The following SMAD6 variants were observed in gnomAD, a reference collection of about 807,000 sequenced individuals.
SMAD6 encodes SMAD family member 6.
Under a neutral mutation model 39.4 loss-of-function variants are expected in SMAD6, and 103 were observed. The ratio of observed to expected loss-of-function variants is 2.62; its 90% CI spans 2.23 to 3.08. The LOEUF is 3.08. SMAD6 is among the 30% of genes most tolerant of loss of function. The probability of loss-of-function intolerance (pLI) is 0.00; values close to 1 mark genes in which losing one functional copy is unlikely to be tolerated. For missense variants in SMAD6, 1,104 were observed against 742.9 expected, an observed-to-expected ratio of 1.49 and a Z score of -5.65; for synonymous variants, 445 against 353.3, an observed-to-expected ratio of 1.26 and a Z score of -2.91.
chr15:66,764,030 C>T (rs1424235090), intron 3 of SMAD6, among the ~76,000 whole-genome samples: 1 of 152,254 alleles, frequency 6.6e-6, no homozygotes, highest in Non-Finnish European at 1.5e-5. Flanking sequence ...AGAACGCTGA[C>T]AGCTCAGGGG....
In SMAD6 at chr15:66,781,983, A is replaced by G. The variant is rs1488022703; in HGVS notation, c.*448A>G. On this transcript the variant is annotated 3_prime_UTR_variant, in exon 4 of 4. Coordinates refer to ENST00000288840, the MANE Select transcript of SMAD6 (RefSeq NM_005585.5). Reference sequence around the variant, plus strand: ...AGTCACTCGATAATAAAGTATTCGCATTATAGTTTTTTTTAAACTGTCTTC... The same window carrying G: ...AGTCACTCGATAATAAAGTATTCGCGTTATAGTTTTTTTTAAACTGTCTTC... 4.3e-5 allele frequency: 17 copies of G among 398,838 alleles called. No homozygotes were observed. The East Asian group carries it at 4.6e-4, about 11-fold the overall frequency. The allele number at this position is 398,838 out of a possible 1,614,324, so 24.7% of individuals were successfully genotyped here.
At chr15:66,716,225 C>T (rs138199461) in intron 2 of SMAD6, among the ~76,000 whole-genome samples, 196 bp from the exon 3 acceptor site, 1 of 152,262 alleles carries the variant, frequency 6.6e-6, no homozygotes, top group East Asian at 1.9e-4. Context: ...AGAAGAGTTC[C>T]TGGGCTGGCT....
intron 3 of SMAD6, among the ~76,000 whole-genome samples, chr15:66,772,119 A>G (rs16950231): frequency 0.038 from 5,749 of 152,278 alleles, 164 homozygotes; most frequent in South Asian, 0.073. Flanking sequence ...TTCTTATAGC[A>G]TGGTCTCTGT....
intron 2 of SMAD6, among the ~76,000 whole-genome samples, chr15:66,712,775 G>A (rs1041822601): frequency 2.0e-5 from 3 of 152,038 alleles, no homozygotes; most frequent in Middle Eastern, 3.4e-3. Context: ...AGGAGGCTAA[G>A]GTGGGAGGAT....
intron 3 of SMAD6, among the ~76,000 whole-genome samples, chr15:66,773,804 C>T (rs983751081): frequency 6.6e-6 from 1 of 152,208 alleles, no homozygotes; most frequent in Non-Finnish European, 1.5e-5. Context: ...TGACCCTGGG[C>T]AAGTCACTTA....
chr15:66,734,178 C>T (rs1460815232), intron 3 of SMAD6, among the ~76,000 whole-genome samples: 1 of 152,190 alleles, frequency 6.6e-6, no homozygotes, highest in Non-Finnish European at 1.5e-5. Context: ...CAGGAGTGGC[C>T]AGTTCACATT....
chr15:66,754,912 C>T (rs1894070887), intron 3 of SMAD6, among the ~76,000 whole-genome samples: 1 of 152,094 alleles, frequency 6.6e-6, no homozygotes, highest in East Asian at 1.9e-4. Flanking sequence ...TGTCTCAGCT[C>T]ACCAAGCAGA....
chr15:66,752,097 G>C (rs1005223864), intron 3 of SMAD6, among the ~76,000 whole-genome samples: 14 of 148,712 alleles, frequency 9.4e-5, no homozygotes, highest in African/African-American at 3.5e-4. Flanking sequence ...TTGCTCCTCA[G>C]GGAAACCATT....
At chr15:66,746,577 TC>T (rs1418250143) in intron 3 of SMAD6, among the ~76,000 whole-genome samples, 2 of 152,174 alleles carry the variant, frequency 1.3e-5, no homozygotes, top group African/African-American at 4.8e-5. Flanking sequence ...TAAAAGTCAC[TC>T]ACTCATTCAG....
intron 3 of SMAD6, 44 bp downstream of exon 3, chr15:66,716,542 C>G (rs774228965): frequency 3.6e-6 from 5 of 1,405,376 alleles, no homozygotes; most frequent in African/African-American, 2.8e-5. Flanking sequence ...TGAAATTTAT[C>G]GAAGGGGACA....
chr15:66,717,244 T>A, intron 3 of SMAD6: 3 of 725,776 alleles, frequency 4.1e-6, no homozygotes, highest in Non-Finnish European at 6.3e-6. Flanking sequence ...TGGCTGGGAC[T>A]GACAGCCCCT....
intron 3 of SMAD6, among the ~76,000 whole-genome samples, chr15:66,735,963 A>T (rs1365130584): frequency 6.6e-6 from 1 of 152,204 alleles, no homozygotes; most frequent in Non-Finnish European, 1.5e-5. Flanking sequence ...ACATGGGTGT[A>T]TGGGGGTTTA....
chr15:66,731,465 G>T (rs1171192256), intron 3 of SMAD6, among the ~76,000 whole-genome samples: 1 of 151,304 alleles, frequency 6.6e-6, no homozygotes, highest in Non-Finnish European at 1.5e-5. Context: ...GTTCCTTGGT[G>T]AGTCTTTGTA....
At chr15:66,720,511 A>G (rs1893413661) in intron 3 of SMAD6, among the ~76,000 whole-genome samples, 1 of 152,150 alleles carries the variant, frequency 6.6e-6, no homozygotes, top group African/African-American at 2.4e-5. Flanking sequence ...GCCTGACTCC[A>G]TGCTGTGGGG....
chr15:66,765,905 C>A (rs1008121687), intron 3 of SMAD6, among the ~76,000 whole-genome samples: 3 of 152,200 alleles, frequency 2.0e-5, no homozygotes, highest in Non-Finnish European at 4.4e-5. Flanking sequence ...GCAAGTTCCC[C>A]ACTGAGGAGG....
chr15:66,721,556 A>G (rs754063426), intron 3 of SMAD6, among the ~76,000 whole-genome samples: 75 of 152,302 alleles, frequency 4.9e-4, no homozygotes, highest in Non-Finnish European at 8.4e-4. Flanking sequence ...TCGGCCATCT[A>G]TTAGTTGTGT....
chr15:66,781,719 T>C lies in SMAD6; in HGVS notation c.*184T>C. The C allele has an allele frequency of 2.4e-6, 1 of 417,302 alleles. No homozygotes were observed. The highest frequency in any genetic ancestry group is 4.2e-6 in the Non-Finnish European group (1 of 238,438). 25.8% of individuals were successfully genotyped at this position (417,302 alleles called of 1,614,324 possible). A position where few individuals can be genotyped will look rare whatever the true frequency, so the allele number is the denominator to read the frequency against. ...ATATATTATACTTGTAATTATGGAGTCATTTTTACAATGTAATTATTTATG... is the reference window on the plus strand; with the variant it reads ...ATATATTATACTTGTAATTATGGAGCCATTTTTACAATGTAATTATTTATG... On this transcript the variant is annotated 3_prime_UTR_variant, in exon 4 of 4. Coordinates refer to ENST00000288840, the MANE Select transcript of SMAD6 (RefSeq NM_005585.5).
At chr15:66,724,549 C>A (rs57960838) in intron 3 of SMAD6, among the ~76,000 whole-genome samples, 1,544 of 152,252 alleles carry the variant, frequency 0.01, 34 homozygotes, top group African/African-American at 0.035. Context: ...GTAACTTGCC[C>A]AAGGTCACCC....
Position 66,747,201 on chromosome 15 carries a change from G to A in SMAD6, c.952+30703G>A, listed in dbSNP as rs751996689. ...TCCACATGGCAAGTGGGGAAAATGAGGCTTGGCCAGAGGTTGCGTGGTTTG... is the reference window on the plus strand; with the variant it reads ...TCCACATGGCAAGTGGGGAAAATGAAGCTTGGCCAGAGGTTGCGTGGTTTG... On this transcript the variant is annotated intron_variant, in intron 3 of 3. Transcript: ENST00000288840. This position sits in a 1 kb window ranked among gnomAD's most constrained non-coding sequence, Gnocchi z 4.5. Among the ~76,000 whole-genome samples, 2 of 152,268 alleles carry A rather than the reference G, an allele frequency of 1.3e-5. No homozygotes were observed. Among genetic ancestry groups the A allele is most frequent in the Non-Finnish European group, 2.9e-5 (2 of 68,048 alleles).
Sources: gnomAD v4.1 joint callset for allele counts (sites outside exome capture counted in the v4.1 genomes callset) on GRCh38, gnomAD v4.1.1 for gene constraint, Gnocchi (gnomAD v3.1) non-coding constraint, MANE v1.5 for transcripts, NCBI Gene and HGNC (gene_info 2026-07-23, HGNC 2026-07-21) for gene names.